GALNTL6: variants seen among roughly 807,000 people sequenced by gnomAD.
GALNTL6 encodes the protein polypeptide N-acetylgalactosaminyltransferase like 6.
In GALNTL6, 46 loss-of-function variants were observed where a neutral mutation model predicts 73.7. The observed-to-expected ratio is 0.62, with a 90% CI of 0.49 to 0.80. The LOEUF is 0.80. GALNTL6 is among the 30% of genes least tolerant of loss of function. The pLI, the probability that GALNTL6 is intolerant of heterozygous loss-of-function variation, is 0.00. For missense variants in GALNTL6, 604 were observed against 755.0 expected (o/e 0.80, Z 2.34); for synonymous variants, 259 against 263.7 (o/e 0.98, Z 0.17).
intron 2 of GALNTL6, among the ~76,000 whole-genome samples, chr4:171,920,655 TA>T (rs1392650729): frequency 2.0e-5 from 3 of 151,956 alleles, no homozygotes; most frequent in Non-Finnish European, 4.4e-5. Context: ...AAAACAACAA[TA>T]AAAATACAAA....
intron 5 of GALNTL6, among the ~76,000 whole-genome samples, chr4:172,533,177 A>G (rs1009818877): frequency 2.6e-5 from 4 of 151,604 alleles, no homozygotes; most frequent in Non-Finnish European, 4.4e-5. Context: ...ATGCCTGGCT[A>G]ATTTTTTGTA....
At chr4:172,176,932 C>T (rs1735021423) in intron 2 of GALNTL6, among the ~76,000 whole-genome samples, 1 of 152,054 alleles carries the variant, frequency 6.6e-6, no homozygotes, top group Non-Finnish European at 1.5e-5. Flanking sequence ...TTTTAATACC[C>T]TACTGATGAG....
chr4:172,286,621 A>G (rs1046626529), intron 3 of GALNTL6, among the ~76,000 whole-genome samples: 1 of 152,168 alleles, frequency 6.6e-6, no homozygotes, highest in Non-Finnish European at 1.5e-5. Flanking sequence ...GGAATTATAT[A>G]AAGAGTTTGA....
chr4:172,174,543 A>G (rs886320629), intron 2 of GALNTL6, among the ~76,000 whole-genome samples: 2 of 152,204 alleles, frequency 1.3e-5, no homozygotes, highest in Non-Finnish European at 2.9e-5. Flanking sequence ...TATTAACTAT[A>G]GAAAAATATG....
intron 2 of GALNTL6, among the ~76,000 whole-genome samples, chr4:172,229,317 A>G (rs952452896): frequency 4.6e-5 from 7 of 152,196 alleles, no homozygotes; most frequent in African/African-American, 1.7e-4. Flanking sequence ...ATGCAACACC[A>G]AAATTGGTAG....
At chr4:172,344,787 T>C (rs1394913537) in intron 4 of GALNTL6, among the ~76,000 whole-genome samples, 2 of 152,152 alleles carry the variant, frequency 1.3e-5, no homozygotes, top group Non-Finnish European at 2.9e-5. Flanking sequence ...ATGTCACTTG[T>C]CTTGTTTGAG....
chr4:172,365,769 G>A (rs916123853), intron 5 of GALNTL6, among the ~76,000 whole-genome samples: 1 of 151,344 alleles, frequency 6.6e-6, no homozygotes, highest in Non-Finnish European at 1.5e-5. Flanking sequence ...TTTAAGTAAG[G>A]ACAAAAGGTC....
At chr4:172,664,044 A>T (rs561970283) in intron 5 of GALNTL6, among the ~76,000 whole-genome samples, 1 of 152,256 alleles carries the variant, frequency 6.6e-6, no homozygotes, top group African/African-American at 2.4e-5. Flanking sequence ...AGAGATTCAC[A>T]TTCAGAAAAG....
intron 5 of GALNTL6, among the ~76,000 whole-genome samples, chr4:172,585,347 T>G (rs1371966846): frequency 6.6e-6 from 1 of 152,104 alleles, no homozygotes; most frequent in Non-Finnish European, 1.5e-5. Context: ...TATCAACCTG[T>G]CATCTAGGTT....
intron 2 of GALNTL6, among the ~76,000 whole-genome samples, chr4:171,894,576 T>G (rs753293326): frequency 6.6e-6 from 1 of 152,304 alleles, no homozygotes; most frequent in South Asian, 2.1e-4. Context: ...GATGGAATCT[T>G]GCTCTTTTGT....
chr4:172,196,662 G>A, intron 2 of GALNTL6, among the ~76,000 whole-genome samples: 1 of 152,034 alleles, frequency 6.6e-6, no homozygotes, highest in East Asian at 1.9e-4. Context: ...ATAAATGTAA[G>A]TTATCACACA....
chr4:172,707,893 C>G (rs1734453039), intron 5 of GALNTL6, among the ~76,000 whole-genome samples: 1 of 152,008 alleles, frequency 6.6e-6, no homozygotes, highest in African/African-American at 2.4e-5. Flanking sequence ...GAGCAGAATT[C>G]TTGTTACAGT....
At chr4:172,232,090 G>A (rs73870042) in intron 3 of GALNTL6, among the ~76,000 whole-genome samples, 1,790 of 151,944 alleles carry the variant, frequency 0.012, 33 homozygotes, top group African/African-American at 0.04. Context: ...ATAAATAAAA[G>A]TGTATTAAGA....
At chr4:172,172,571 G>A (rs1001929069) in intron 2 of GALNTL6, among the ~76,000 whole-genome samples, 2 of 151,400 alleles carry the variant, frequency 1.3e-5, no homozygotes, top group Non-Finnish European at 2.9e-5. Context: ...AAAACACAAG[G>A]AGGAGAAGAC....
At chr4:172,609,623 C>CTGTGTGTG (rs1414167008) in intron 5 of GALNTL6, among the ~76,000 whole-genome samples, 1,750 of 92,462 alleles carry the variant, frequency 0.019, 24 homozygotes, top group East Asian at 0.028. Flanking sequence ...CTCTCTCTCT[C>CTGTGTGTG]TCTGTGTGTG....
chr4:172,281,236 G>C (rs562489484), intron 3 of GALNTL6, among the ~76,000 whole-genome samples: 1 of 152,148 alleles, frequency 6.6e-6, no homozygotes, highest in Non-Finnish European at 1.5e-5. Flanking sequence ...GTCCAAAATG[G>C]ATCAGCAGCG....
chr4:172,634,517 T>A (rs1371862650), intron 5 of GALNTL6, among the ~76,000 whole-genome samples: 1 of 152,166 alleles, frequency 6.6e-6, no homozygotes, highest in African/African-American at 2.4e-5. Context: ...TCATTTCTTC[T>A]TATTTCTTAG....
At chr4:172,414,457 G>C (rs917940870) in intron 5 of GALNTL6, among the ~76,000 whole-genome samples, 2 of 151,934 alleles carry the variant, frequency 1.3e-5, no homozygotes, top group Non-Finnish European at 2.9e-5. Flanking sequence ...AGCATCCCCA[G>C]ATGCTAAATA....
intron 2 of GALNTL6, among the ~76,000 whole-genome samples, chr4:172,184,951 G>T (rs1170025288): frequency 6.6e-6 from 1 of 152,104 alleles, no homozygotes; most frequent in Non-Finnish European, 1.5e-5. Flanking sequence ...CCTCATATTT[G>T]ACTTCACTTC....
Sources: allele counts gnomAD v4.1 joint callset (sites outside exome capture counted in the v4.1 genomes callset), GRCh38; gene constraint gnomAD v4.1.1; transcripts MANE v1.5; gene names NCBI Gene and HGNC (gene_info 2026-07-23, HGNC 2026-07-21).